The following CARD14 variants were observed in gnomAD, a reference collection of about 807,000 sequenced individuals.
The protein encoded by CARD14 is caspase recruitment domain family member 14, also known as caspase recruitment domain-containing protein 14.
In CARD14, 107 loss-of-function variants were observed where a neutral mutation model predicts 111.5. That is an observed-to-expected ratio of 0.96 (90% CI 0.82 to 1.13). The LOEUF (loss-of-function observed/expected upper bound fraction) is 1.13, where lower values mean the gene tolerates loss of function less well. Among genes scored for constraint, CARD14 ranks in the 50% most tolerant of loss-of-function variants. CARD14 has a pLI of 0.00. For missense variants in CARD14, 1,322 were observed against 1,362.3 expected (o/e 0.97, Z 0.47); for synonymous variants, 617 against 579.6 (o/e 1.06, Z -0.93).
At chr17:80,171,299 C>A (rs2039899751) in intron 1 of CARD14, among the ~76,000 whole-genome samples, 1 of 148,474 alleles carries the variant, frequency 6.7e-6, no homozygotes, top group Admixed American at 6.8e-5. Flanking sequence ...TTCTTTCTTT[C>A]TTTCTCTCTC....
chr17:80,198,424 G>A lies in CARD14; in HGVS notation c.1684G>A (p.Ala562Thr). 2 of 1,607,022 alleles carry A rather than the reference G, an allele frequency of 1.2e-6. No individual in the cohort carries two copies. The highest frequency in any genetic ancestry group is 1.7e-6 in the Non-Finnish European group (2 of 1,175,416). The change falls in exon 16 of 24, where the codon GCC becomes ACC. Residue 562 changes from alanine to threonine, a missense_variant. Transcript: ENST00000648509. This position sits in a 1 kb window ranked among gnomAD's most constrained non-coding sequence, Gnocchi z 7.5. ...ESGVLMRRRPARRILSQVTML... is the reference protein window; with the variant it reads ...ESGVLMRRRPTRRILSQVTML... ...CGGCGTCCTCATGCGGCGGAGGCCA[G>A]CCCGCAGGATCCTGAGCCAGGTCAC... is the stretch of plus-strand genomic sequence containing the variant.
chr17:80,170,674 C>T (rs2039873776), intron 1 of CARD14: 1 of 152,142 alleles, frequency 6.6e-6, no homozygotes, highest in Non-Finnish European at 1.5e-5. Context: ...GGAGAACCCA[C>T]ATCTTAGATG....
Position 80,191,462 on chromosome 17 carries a change from C to T in CARD14, c.1229C>T (p.Pro410Leu), listed in dbSNP as rs1400063268. 1.9e-6 allele frequency: 3 copies of T among 1,612,392 alleles called. No individual in the cohort carries two copies. Among genetic ancestry groups the T allele is most frequent in the Admixed American group, 1.7e-5 (1 of 60,024 alleles). The stretch of plus-strand genomic sequence containing the variant: ...CAGCTTCGCCAGCTGCAGGCAGAGC[C>T]TCCGGGTGTGGTGAGTGTTCCCGGC... ...RTQLRQLQAE[P>L]PGVLKQEART... Residue 410 changes from proline to leucine, a missense_variant, in exon 11 of 24, where the codon CCT becomes CTT. Pro to Leu is a moderately conservative substitution (Grantham distance 98). Coordinates refer to ENST00000648509, the MANE Select transcript of CARD14 (RefSeq NM_001366385.1).
chr17:80,189,995 T>G lies in CARD14; in HGVS notation c.963+123T>G. ...AGCTCACATAATTTTGCTGAACGAA[T>G]CTGTCGGCCTGTTCATCTGTCCCTT... On this transcript the variant is annotated intron_variant, in intron 9 of 23. Transcript: ENST00000648509. The surrounding 1 kb of genome is among the most constrained non-coding windows in gnomAD (Gnocchi z 4.7). 7.5e-7 allele frequency: 1 copy of G among 1,336,902 alleles called. No individual in the cohort carries two copies. Among genetic ancestry groups the G allele is most frequent in the Non-Finnish European group, 9.9e-7 (1 of 1,012,860 alleles). The allele number at this position is 1,336,902 out of a possible 1,614,324, so 82.8% of individuals were successfully genotyped here.
rs765810529 is a variant in CARD14 at position 80,202,298 on chromosome 17, C to T, written c.2097C>T (p.Cys699=). The T allele has an allele frequency of 1.2e-6, 2 of 1,613,816 alleles. No individual in the cohort carries two copies. The highest frequency in any genetic ancestry group is 2.2e-5 in the South Asian group (2 of 91,084). Residue 699 remains cysteine, a synonymous_variant, in exon 18 of 24, where the codon TGC becomes TGT. Transcript: ENST00000648509. ...CCAAAGGGGAGCTGCAGGTGCATTG[C>T]AACGAGGTCCTGCACGTCACCGACA... ...GRAKGELQVH[C]NEVLHVTDTM...
chr17:80,198,132 T>G lies in CARD14; in HGVS notation c.1628T>G (p.Val543Gly). 1 of 1,613,686 alleles carries G rather than the reference T, an allele frequency of 6.2e-7. No individual in the cohort carries two copies. The highest frequency in any genetic ancestry group is 8.5e-7 in the Non-Finnish European group (1 of 1,179,956). Reference sequence around the variant, plus strand: ...CAGCTGGAAAGCAGCCTGCAGCCAGTCTCCCCTGGAAGGCTTGATGTCTCG... The same window carrying G: ...CAGCTGGAAAGCAGCCTGCAGCCAGGCTCCCCTGGAAGGCTTGATGTCTCG... ...LPQLESSLQP[V>G]SPGRLDVSES... The change falls in exon 15 of 24, where the codon GTC becomes GGC. Residue 543 changes from valine (V) to glycine (G), a missense_variant. Transcript: ENST00000648509. This position sits in a 1 kb window ranked among gnomAD's most constrained non-coding sequence, Gnocchi z 7.5.
Position 80,181,610 on chromosome 17 carries a change from C to G in CARD14, c.172C>G (p.Leu58Val), listed in dbSNP as rs1172130400. ...GTGCCAGCTGGACGAGGAGGAGGTG[C>G]TGCACAGCCCCCGGCTCACCAACAG... ...VLCQLDEEEV[L>V]HSPRLTNSAM... Residue 58 changes from leucine to valine, a missense_variant, in exon 5 of 24, where the codon CTG becomes GTG. Transcript: ENST00000648509. 6.4e-7 allele frequency: 1 copy of G among 1,556,098 alleles called. No individual in the cohort carries two copies. The highest frequency in any genetic ancestry group is 1.2e-5 in the South Asian group (1 of 84,326).
In CARD14 at chr17:80,184,099, G is replaced by A. The variant is rs199517469; in HGVS notation, c.536G>A (p.Arg179His). Residue 179 changes from arginine to histidine, a missense_variant, in exon 7 of 24, where the codon CGC (arginine) becomes CAC (histidine). Transcript: ENST00000648509. ...CACCAGCTGGAGGCTGACCACAGCC[G>A]CATGAAGCGTGAGGTTAGCGCACAC... ...GLHQLEADHS[R>H]MKREVSAHFH... 465 of 1,580,436 alleles carry A rather than the reference G, an allele frequency of 2.9e-4. No homozygotes were observed. Among genetic ancestry groups the A allele is most frequent in the Non-Finnish European group, 3.8e-4 (440 of 1,163,894 alleles).
In CARD14 at chr17:80,198,161, A is replaced by C; in HGVS notation, c.1657A>C (p.Ser553Arg). Residue 553 changes from serine (S) to arginine (R), a missense_variant and splice_region_variant, in exon 15 of 24, where the codon AGC becomes CGC. Ser to Arg is a moderately radical substitution (Grantham distance 110). Coordinates refer to ENST00000648509, the MANE Select transcript of CARD14 (RefSeq NM_001366385.1). The surrounding 1 kb of genome is among the most constrained non-coding windows in gnomAD (Gnocchi z 7.5). ...CCCTGGAAGGCTTGATGTCTCGGAGAGGTAAGCAGCAGGTGGGAATCCTCC... is the reference window on the plus strand; with the variant it reads ...CCCTGGAAGGCTTGATGTCTCGGAGCGGTAAGCAGCAGGTGGGAATCCTCC... ...VSPGRLDVSE[S>R]GVLMRRRPAR... 6.2e-7 allele frequency: 1 copy of C among 1,613,818 alleles called. No individual in the cohort carries two copies. The highest frequency in any genetic ancestry group is 1.1e-5 in the South Asian group (1 of 91,064).
intron 2 of CARD14, among the ~76,000 whole-genome samples, chr17:80,174,754 T>A (rs548436972): frequency 6.6e-6 from 1 of 152,170 alleles, no homozygotes; most frequent in South Asian, 2.1e-4. Flanking sequence ...TACAGCCCCC[T>A]CCCCACTCCT....
chr17:80,174,926 G>A (rs948358750), intron 2 of CARD14, among the ~76,000 whole-genome samples: 1 of 152,214 alleles, frequency 6.6e-6, no homozygotes, highest in Admixed American at 6.5e-5. Flanking sequence ...AGTGCCCCTT[G>A]GCAGCACTCC....
chr17:80,170,233 C>G (rs1245635913), intron 1 of CARD14, 177 bp downstream of exon 1: 1 of 152,130 alleles, frequency 6.6e-6, no homozygotes, highest in Admixed American at 6.6e-5. Context: ...GACTAGAGAA[C>G]AGAAAACGGC....
Position 80,199,561 on chromosome 17 carries a change from C to CAAAAA in CARD14, c.1851+986_1851+990dup, listed in dbSNP as rs34737700. On this transcript the variant is annotated intron_variant, in intron 16 of 23. Transcript: ENST00000648509. ...TGGGTGACAGAGCAAAGCCTTGTCT[C>CAAAAA]AAAAAAAAAAAAAAAAAAAAGAAAA... Among the ~76,000 whole-genome samples the CAAAAA allele has an allele frequency of 4.5e-3, 305 of 67,970 alleles. 2 individuals carry two copies. Among genetic ancestry groups the CAAAAA allele is most frequent in the Non-Finnish European group, 5.2e-3 (199 of 38,042 alleles). 44.6% of individuals were successfully genotyped at this position (67,970 alleles called of 152,430 possible).
chr17:80,197,503 A>G (rs2144337837), intron 14 of CARD14: 1 of 152,764 alleles, frequency 6.5e-6, no homozygotes, highest in South Asian at 2.1e-4. Context: ...ACTGTACTCC[A>G]GCCTGGGCGA....
intron 16 of CARD14, among the ~76,000 whole-genome samples, chr17:80,199,703 A>G (rs1346487847): frequency 6.9e-6 from 1 of 145,328 alleles, no homozygotes; most frequent in Non-Finnish European, 1.5e-5. Flanking sequence ...ACATGGTGAA[A>G]CCCCGTTTCT....
intron 5 of CARD14, 91 bp downstream of exon 5, chr17:80,181,740 CG>C: frequency 8.5e-7 from 1 of 1,175,836 alleles, no homozygotes; most frequent in Admixed American, 2.6e-5. Context: ...GGTCTCTTCT[CG>C]TCCTGTCTCT....
At chr17:80,183,220 C>G (rs536229523) in intron 6 of CARD14, among the ~76,000 whole-genome samples, 1 of 152,186 alleles carries the variant, frequency 6.6e-6, no homozygotes, top group African/African-American at 2.4e-5. Context: ...GGCAGGGCCG[C>G]GGAGCCTTCT....
rs1321544108 is a variant in CARD14 at position 80,195,438 on chromosome 17, C to A, written c.1499+105C>A. The A allele has an allele frequency of 6.6e-7, 1 of 1,507,316 alleles. No individual in the cohort carries two copies. 93.4% of individuals were successfully genotyped at this position (1,507,316 alleles called of 1,614,324 possible). ...CCTCAGGGCATCTGGGTATTGCAGG[C>A]AGCAGCTCCTGCCCTCGAAGCCCCA... On this transcript the variant is annotated intron_variant, in intron 13 of 23. Coordinates refer to ENST00000648509, the MANE Select transcript of CARD14 (RefSeq NM_001366385.1). The surrounding 1 kb of genome is among the most constrained non-coding windows in gnomAD (Gnocchi z 4.7).
Position 80,206,957 on chromosome 17 carries a change from C to T in CARD14, c.2692-13C>T. The T allele has an allele frequency of 6.3e-7, 1 of 1,594,774 alleles. No homozygotes were observed. Among genetic ancestry groups the T allele is most frequent in the Non-Finnish European group, 8.6e-7 (1 of 1,164,698 alleles). ...TGTGATCTTGACTCACTTCTTCTCT[C>T]CCTCCCACAAAGAACACCCATGCCC... On this transcript the variant is annotated splice_polypyrimidine_tract_variant and intron_variant, in intron 22 of 23. Transcript: ENST00000648509.
Sources: allele counts gnomAD v4.1 joint callset (sites outside exome capture counted in the v4.1 genomes callset), GRCh38; gene constraint gnomAD v4.1.1; non-coding constraint Gnocchi (gnomAD v3.1); transcripts MANE v1.5; gene names NCBI Gene and HGNC (gene_info 2026-07-23, HGNC 2026-07-21).